SND1: variants seen among roughly 807,000 people sequenced by gnomAD.
The protein encoded by SND1 is staphylococcal nuclease domain-containing protein 1.
A neutral mutation model predicts 121.7 loss-of-function variants in SND1; 38 were observed. That is an observed-to-expected ratio of 0.31 (90% CI 0.24 to 0.41). The LOEUF (loss-of-function observed/expected upper bound fraction) is 0.41, where lower values mean the gene tolerates loss of function less well. Among genes scored for constraint, SND1 ranks in the 10% least tolerant of loss-of-function variants. The pLI is 1.00. For synonymous variants in SND1, 401 were observed against 447.4 expected (o/e 0.90, Z 1.31); for missense variants, 868 against 1,184.6 (o/e 0.73, Z 3.92).
At chr7:127,682,328 C>G (rs1440748920) in intron 1 of SND1, among the ~76,000 whole-genome samples, 1 of 152,174 alleles carries the variant, frequency 6.6e-6, no homozygotes, top group Non-Finnish European at 1.5e-5. Flanking sequence ...TTTGTAACCA[C>G]GTGACTTGTG....
At chr7:127,989,162 G>A (rs1176650339) in intron 15 of SND1, among the ~76,000 whole-genome samples, 5 of 152,192 alleles carry the variant, frequency 3.3e-5, no homozygotes, top group South Asian at 2.1e-4. Context: ...CTTGCAGGCC[G>A]GCACTGAAGT....
At chr7:128,054,979 TAG>T (rs1793110964) in intron 16 of SND1, among the ~76,000 whole-genome samples, 1 of 152,240 alleles carries the variant, frequency 6.6e-6, no homozygotes, top group East Asian at 1.9e-4. Context: ...GTCTGCAGTG[TAG>T]AGTTATTCTA....
chr7:127,858,506 G>A (rs1168621565), intron 12 of SND1: 2 of 533,676 alleles, frequency 3.7e-6, no homozygotes, highest in African/African-American at 3.8e-5. Flanking sequence ...ACCTGCAGAA[G>A]TTCTGTACTT....
intron 10 of SND1, among the ~76,000 whole-genome samples, chr7:127,731,925 T>C (rs1002388590): frequency 2.6e-5 from 4 of 152,194 alleles, no homozygotes; most frequent in African/African-American, 9.6e-5. Context: ...TAACCTTTCA[T>C]CTCTCACCCC....
chr7:127,662,420 T>C (rs1795330704), intron 1 of SND1, among the ~76,000 whole-genome samples: 2 of 152,216 alleles, frequency 1.3e-5, no homozygotes. Flanking sequence ...ATATATGTTG[T>C]TTTTAGCTTT....
rs1362668865 is a variant in SND1, at chr7:127,680,512, G to A, written c.79-6101G>A. On this transcript the variant is annotated intron_variant, in intron 1 of 23. Coordinates refer to ENST00000354725, the MANE Select transcript of SND1 (RefSeq NM_014390.4). Reference sequence around the variant, plus strand: ...TCAGGGGCACATTCTCTTTCTCAGGGATGTTCCTTGCTGAGAAAAAGAATT... The same window carrying A: ...TCAGGGGCACATTCTCTTTCTCAGGAATGTTCCTTGCTGAGAAAAAGAATT... Among the ~76,000 whole-genome samples, 3 of 152,032 alleles carry A rather than the reference G, an allele frequency of 2.0e-5. No homozygotes were observed. The East Asian group carries it at 5.8e-4, about 29-fold the overall frequency.
intron 17 of SND1, 33 bp from the exon 18 acceptor site, chr7:128,081,327 C>A (rs1184507589): frequency 6.2e-7 from 1 of 1,613,124 alleles, no homozygotes. Context: ...CACTTCCTCG[C>A]CCTCTTCTCA....
intron 16 of SND1, among the ~76,000 whole-genome samples, chr7:128,008,642 C>T (rs1266801489): frequency 1.3e-5 from 2 of 152,078 alleles, no homozygotes; most frequent in Non-Finnish European, 2.9e-5. Flanking sequence ...GAGTGCCATC[C>T]CTTTCCTCTG....
At chr7:127,851,871 G>A (rs550479670) in intron 12 of SND1, among the ~76,000 whole-genome samples, 1 of 152,058 alleles carries the variant, frequency 6.6e-6, no homozygotes. Context: ...GAAATAACAC[G>A]CTTGGCTGGG....
At chr7:128,032,222 G>GCCGCGCCGGCCGGCGCCGCGCAGCC (rs985049502) in intron 16 of SND1, 3 of 149,194 alleles carry the variant, frequency 2.0e-5, no homozygotes, top group Non-Finnish European at 4.5e-5. Context: ...GCCTTCCAGC[G>GCCGCGCCGGCCGGCGCCGCGCAGCC]CCGCGCCGGC....
At chr7:127,722,757 A>C (rs549674241) in intron 10 of SND1, among the ~76,000 whole-genome samples, 58 of 152,264 alleles carry the variant, frequency 3.8e-4, no homozygotes, top group Non-Finnish European at 6.3e-4. Context: ...CATACATAAA[A>C]ACCACGTACA....
chr7:127,847,086 G>A (rs933691475), intron 12 of SND1, among the ~76,000 whole-genome samples: 1 of 152,034 alleles, frequency 6.6e-6, no homozygotes, highest in African/African-American at 2.4e-5. Context: ...TAACCAACAT[G>A]GTGAAACCTC....
intron 16 of SND1, among the ~76,000 whole-genome samples, chr7:128,005,609 C>G (rs1161880542): frequency 6.6e-6 from 1 of 152,256 alleles, no homozygotes; most frequent in Non-Finnish European, 1.5e-5. Context: ...AGTGACCTCT[C>G]CCAATGCCTG....
At chr7:127,725,308 T>C (rs1243349710) in intron 10 of SND1, among the ~76,000 whole-genome samples, 1 of 152,214 alleles carries the variant, frequency 6.6e-6, no homozygotes, top group Non-Finnish European at 1.5e-5. Flanking sequence ...TTAGCTCATA[T>C]GGCATCTTTG....
chr7:128,046,371 T>A (rs868448132), intron 16 of SND1, among the ~76,000 whole-genome samples: 1 of 146,730 alleles, frequency 6.8e-6, no homozygotes, highest in Non-Finnish European at 1.5e-5. Flanking sequence ...TTGTGTTTTT[T>A]TTTTTTTTTT....
intron 15 of SND1, among the ~76,000 whole-genome samples, chr7:127,947,204 C>T (rs955322351): frequency 1.3e-5 from 2 of 152,118 alleles, no homozygotes; most frequent in African/African-American, 4.8e-5. Flanking sequence ...TTCTGTCAGG[C>T]TGAGATGTTA....
chr7:127,698,485 G>A (rs929849294), intron 3 of SND1, among the ~76,000 whole-genome samples: 3 of 152,100 alleles, frequency 2.0e-5, no homozygotes, highest in East Asian at 1.9e-4. Flanking sequence ...AGAGCTTGTC[G>A]AAGCTATTAA....
At chr7:127,992,529 C>T (rs1038051788) in intron 16 of SND1, among the ~76,000 whole-genome samples, 1 of 152,284 alleles carries the variant, frequency 6.6e-6, no homozygotes, top group Non-Finnish European at 1.5e-5. Context: ...GTGAAGGATG[C>T]AGCAACAGAC....
intron 9 of SND1, among the ~76,000 whole-genome samples, chr7:127,710,114 T>A (rs1393886600): frequency 6.6e-6 from 1 of 151,922 alleles, no homozygotes; most frequent in Non-Finnish European, 1.5e-5. Context: ...CTGAAAAAAA[T>A]GGATTTTGCG....
Sources: allele counts gnomAD v4.1 joint callset (sites outside exome capture counted in the v4.1 genomes callset), GRCh38; gene constraint gnomAD v4.1.1; transcripts MANE v1.5; gene names NCBI Gene and HGNC (gene_info 2026-07-23, HGNC 2026-07-21).